The following SNRK variants were observed in gnomAD, a reference collection of about 807,000 sequenced individuals.
SNRK encodes the protein SNF-related serine/threonine-protein kinase.
In SNRK, 3 loss-of-function variants were observed where a neutral mutation model predicts 48.2. The ratio of observed to expected loss-of-function variants is 0.06; its 90% confidence interval spans 0.03 to 0.16. The LOEUF (loss-of-function observed/expected upper bound fraction) is 0.16, where lower values mean the gene tolerates loss of function less well. Among genes scored for constraint, SNRK ranks in the 10% least tolerant of loss-of-function variants. The pLI is 1.00. For synonymous variants in SNRK, 376 were observed against 366.1 expected (o/e 1.03, Z -0.31); for missense variants, 627 against 976.0 (o/e 0.64, Z 4.76).
At chr3:43,326,724 C>T (rs1211451263) in intron 3 of SNRK, among the ~76,000 whole-genome samples, 2 of 151,938 alleles carry the variant, frequency 1.3e-5, no homozygotes, top group Non-Finnish European at 2.9e-5. Context: ...TTAGACTGTA[C>T]CCACCAGGGT....
chr3:43,342,731 C>T (rs1299070866), intron 5 of SNRK, among the ~76,000 whole-genome samples: 2 of 152,188 alleles, frequency 1.3e-5, no homozygotes, highest in Non-Finnish European at 2.9e-5. Context: ...TGTCCCAGCA[C>T]CGTGTCTAGC....
chr3:43,312,264 T>G (rs1201511359), intron 3 of SNRK, among the ~76,000 whole-genome samples: 1 of 152,198 alleles, frequency 6.6e-6, no homozygotes, highest in African/African-American at 2.4e-5. Flanking sequence ...ATGTTTGGAT[T>G]TAGATTAAGT....
At chr3:43,332,783 A>G (rs759778760) in intron 4 of SNRK, 1 of 152,274 alleles carries the variant, frequency 6.6e-6, no homozygotes, top group Non-Finnish European at 1.5e-5. Context: ...TTCTTCACAC[A>G]CCTTCTGCTA....
Position 43,348,871 on chromosome 3 carries a change from C to G in SNRK, c.*314C>G. 4.4e-6 allele frequency: 1 copy of G among 229,346 alleles called. No individual in the cohort carries two copies. Among genetic ancestry groups the G allele is most frequent in the Non-Finnish European group, 8.4e-6 (1 of 119,628 alleles). 14.2% of individuals were successfully genotyped at this position (229,346 alleles called of 1,614,324 possible). Reference sequence around the variant, plus strand: ...GCACTTAGAAATTTGTTGTTCTGCACTTAACCTAGAGAGAGAAAAAATGCT... The same window carrying G: ...GCACTTAGAAATTTGTTGTTCTGCAGTTAACCTAGAGAGAGAAAAAATGCT... On this transcript the variant is annotated 3_prime_UTR_variant, in exon 7 of 7. Transcript: ENST00000296088.
intron 3 of SNRK, among the ~76,000 whole-genome samples, chr3:43,325,130 C>T (rs758244355): frequency 3.9e-5 from 6 of 152,144 alleles, no homozygotes; most frequent in African/African-American, 4.8e-5. Flanking sequence ...TATGTTAGCA[C>T]ACCTCAGCCT....
chr3:43,309,054 A>T (rs1329679003), intron 3 of SNRK, among the ~76,000 whole-genome samples: 1 of 152,214 alleles, frequency 6.6e-6, no homozygotes, highest in Non-Finnish European at 1.5e-5. Context: ...AGGAAGAGAA[A>T]TAGAAAGGGA....
intron 1 of SNRK, among the ~76,000 whole-genome samples, chr3:43,288,421 G>A (rs1472807): frequency 0.98 from 149,271 of 152,252 alleles, 73,242 homozygotes; most frequent in East Asian, 1. Flanking sequence ...AGAAGTATAG[G>A]TTGGGTCTTT....
At chr3:43,334,827 C>G (rs1281258772) in intron 4 of SNRK, among the ~76,000 whole-genome samples, 1 of 152,076 alleles carries the variant, frequency 6.6e-6, no homozygotes, top group African/African-American at 2.4e-5. Context: ...CTCTTAACCT[C>G]GTGATCCGCC....
chr3:43,286,778 C>G (rs1466313872), intron 1 of SNRK, 103 bp downstream of exon 1: 1 of 147,710 alleles, frequency 6.8e-6, no homozygotes. Context: ...GGGCTGGGCG[C>G]CCGGGCCGGG....
rs2091308925 is a variant in SNRK, at chr3:43,349,777, T to TTCTA, written c.*1224_*1227dup. On this transcript the variant is annotated 3_prime_UTR_variant, in exon 7 of 7. Coordinates refer to ENST00000296088, the MANE Select transcript of SNRK (RefSeq NM_017719.5). ...GACCAGATAATCATCTGTTGTGGCA[T>TTCTA]TCTATCTTGTAGGACACTGTATATT... 6.6e-6 allele frequency: 1 copy of TTCTA among 152,238 alleles called. No individual in the cohort carries two copies. The highest frequency in any genetic ancestry group is 2.4e-5 in the African/African-American group (1 of 41,462). The allele number at this position is 152,238 out of a possible 1,614,324, so 9.4% of individuals were successfully genotyped here.
At chr3:43,295,647 A>G (rs962738325) in intron 1 of SNRK, among the ~76,000 whole-genome samples, 1 of 152,206 alleles carries the variant, frequency 6.6e-6, no homozygotes, top group South Asian at 2.1e-4. Flanking sequence ...CTTAGGGCCT[A>G]TTGACCTGTT....
At chr3:43,333,615 TG>T (rs1161401166) in intron 4 of SNRK, among the ~76,000 whole-genome samples, 3 of 152,136 alleles carry the variant, frequency 2.0e-5, no homozygotes, top group African/African-American at 7.2e-5. Flanking sequence ...GGCAGTTGTC[TG>T]GGGGCATACG....
At chr3:43,343,158 G>A in intron 5 of SNRK, 186 bp from the exon 6 acceptor site, 1 of 658,146 alleles carries the variant, frequency 1.5e-6, no homozygotes, top group Non-Finnish European at 2.4e-6. Flanking sequence ...TTATGCAGTT[G>A]TTTTTAGAAC....
intron 4 of SNRK, among the ~76,000 whole-genome samples, chr3:43,334,391 G>T (rs1469183556): frequency 1.3e-5 from 2 of 151,748 alleles, no homozygotes; most frequent in African/African-American, 4.8e-5. Context: ...GGCCTAGAGG[G>T]TCGAGGATAC....
chr3:43,329,209 T>C (rs1276854525), intron 3 of SNRK, among the ~76,000 whole-genome samples: 1 of 152,074 alleles, frequency 6.6e-6, no homozygotes, highest in Non-Finnish European at 1.5e-5. Context: ...GAAAATGAGG[T>C]GGATGGATCA....
intron 3 of SNRK, among the ~76,000 whole-genome samples, chr3:43,328,893 G>T (rs1472028270): frequency 6.6e-6 from 1 of 152,182 alleles, no homozygotes; most frequent in Admixed American, 6.5e-5. Context: ...GCTATGCCAA[G>T]AACAGTGCCT....
At chr3:43,286,886 C>G (rs1489444256) in intron 1 of SNRK, among the ~76,000 whole-genome samples, 1 of 144,746 alleles carries the variant, frequency 6.9e-6, no homozygotes, top group Non-Finnish European at 1.5e-5. Context: ...GCCCGGACCC[C>G]GCGGCGCGGC....
intron 3 of SNRK, among the ~76,000 whole-genome samples, chr3:43,324,015 A>G (rs1323953950): frequency 6.6e-6 from 1 of 152,180 alleles, no homozygotes; most frequent in Non-Finnish European, 1.5e-5. Flanking sequence ...ATGTGACTGC[A>G]TTTGTCAGAA....
At chr3:43,321,494 A>G (rs2091053122) in intron 3 of SNRK, among the ~76,000 whole-genome samples, 2 of 152,288 alleles carry the variant, frequency 1.3e-5, no homozygotes, top group South Asian at 4.1e-4. Context: ...GTGCATGTAC[A>G]AAGCTCATGT....
Sources: gnomAD v4.1 joint callset for allele counts (sites outside exome capture counted in the v4.1 genomes callset) on GRCh38, gnomAD v4.1.1 for gene constraint, MANE v1.5 for transcripts, NCBI Gene and HGNC (gene_info 2026-07-23, HGNC 2026-07-21) for gene names.